TCTN3: variants seen among roughly 807,000 people sequenced by gnomAD.
The protein encoded by TCTN3 is tectonic-3.
TCTN3 carries 57 observed loss-of-function variants against 71.3 expected under a neutral mutation model. The ratio of observed to expected loss-of-function variants is 0.80; its 90% CI spans 0.65 to 1.00. TCTN3 has a LOEUF of 1.00. Among genes scored for constraint, TCTN3 ranks in the 50% least tolerant of loss-of-function variants. TCTN3 has a pLI of 0.00. For missense variants in TCTN3, 696 were observed against 719.9 expected, an observed-to-expected ratio of 0.97 and a Z score of 0.38; for synonymous variants, 258 against 267.8, an observed-to-expected ratio of 0.96 and a Z score of 0.36.
intron 3 of TCTN3, among the ~76,000 whole-genome samples, chr10:95,688,397 G>T (rs112326070): frequency 2.9e-5 from 3 of 104,572 alleles, no homozygotes; most frequent in African/African-American, 7.0e-5. Context: ...TCAAAAAAAA[G>T]AAAAAAAAAA....
intron 3 of TCTN3, among the ~76,000 whole-genome samples, chr10:95,692,561 G>C (rs2097954471): frequency 6.9e-6 from 1 of 145,396 alleles, no homozygotes; most frequent in Middle Eastern, 3.2e-3. Flanking sequence ...GGCAGAAAGA[G>C]GCGTAGAGAT....
intron 13 of TCTN3, among the ~76,000 whole-genome samples, chr10:95,676,995 T>C (rs2097937764): frequency 6.6e-6 from 1 of 152,180 alleles, no homozygotes; most frequent in Non-Finnish European, 1.5e-5. Flanking sequence ...ATGCTTACCA[T>C]ATAAACTGCA....
chr10:95,693,838 C>A lies in TCTN3; in HGVS notation c.62G>T (p.Arg21Leu), dbSNP rs1406986953. ...TGATGGGGAGGAAGAGGGCTGAGGCCGGACGCCATCGGGGAACACCAGAAA... is the reference window on the plus strand; with the variant it reads ...TGATGGGGAGGAAGAGGGCTGAGGCAGGACGCCATCGGGGAACACCAGAAA... ...VFFLVFPDGV[R>L]PQPSSSPSGA... is the part of the protein sequence containing the mutation. The change falls in exon 1 of 14, where the codon CGG becomes CTG. Residue 21 changes from arginine (R) to leucine (L), a missense_variant. Arg to Leu is a moderately radical substitution (Grantham distance 102). Transcript: ENST00000371217. The A allele has an allele frequency of 1.3e-6, 2 of 1,551,686 alleles. No homozygotes were observed. The highest frequency in any genetic ancestry group is 1.7e-6 in the Non-Finnish European group (2 of 1,146,998).
rs940477528 is a variant in TCTN3 at position 95,670,782 on chromosome 10, C to A, written c.1591-6482G>T. On this transcript the variant is annotated intron_variant, in intron 13 of 13. Transcript: ENST00000371217. ...GAATCAAGCAATCCTCCCACCTCAG[C>A]CTCCTGAGTAGCTAGGAATACAGGT... 7.9e-5 allele frequency among the ~76,000 whole-genome samples: 12 copies of A among 152,156 alleles called. No homozygotes were observed. The South Asian group carries it at 1.2e-3, about 16-fold the overall frequency.
intron 13 of TCTN3, among the ~76,000 whole-genome samples, chr10:95,674,440 A>AAT (rs2097934798): frequency 6.6e-6 from 1 of 152,106 alleles, no homozygotes; most frequent in African/African-American, 2.4e-5. Flanking sequence ...TACCGCTAAG[A>AAT]ATACCATTAT....
intron 13 of TCTN3, among the ~76,000 whole-genome samples, chr10:95,670,057 G>A (rs1289560673): frequency 2.6e-4 from 15 of 56,812 alleles, no homozygotes; most frequent in African/African-American, 3.5e-4. Flanking sequence ...GCGAGACTCC[G>A]TCTCAAAAAA....
At chr10:95,672,160 T>TTGTGTG (rs10525130) in intron 13 of TCTN3, among the ~76,000 whole-genome samples, 3 of 139,676 alleles carry the variant, frequency 2.1e-5, no homozygotes, top group African/African-American at 8.2e-5. Context: ...ATTATTATTA[T>TTGTGTG]TGTGTGTGTG....
At chr10:95,693,506 A>G in intron 1 of TCTN3, 30 bp from the exon 2 acceptor site, 2 of 1,552,010 alleles carry the variant, frequency 1.3e-6, no homozygotes, top group African/African-American at 2.7e-5. Flanking sequence ...AGTGAGTGGG[A>G]TGAAGATCCC....
intron 3 of TCTN3, among the ~76,000 whole-genome samples, chr10:95,688,410 A>G (rs865802934): frequency 2.4e-5 from 3 of 122,464 alleles, no homozygotes; most frequent in South Asian, 2.9e-4. Context: ...AAAAAAAAAA[A>G]AAAAAAAAGA....
intron 13 of TCTN3, among the ~76,000 whole-genome samples, chr10:95,671,493 T>C (rs1051450913): frequency 1.3e-5 from 2 of 152,250 alleles, no homozygotes. Context: ...ACATTACATC[T>C]GTATGATCAC....
intron 13 of TCTN3, 89 bp from the exon 14 acceptor site, chr10:95,664,389 A>G: frequency 9.1e-7 from 1 of 1,103,392 alleles, no homozygotes; most frequent in Non-Finnish European, 1.4e-6. Flanking sequence ...TTCCCTGAAG[A>G]GAGAAATGAA....
At chr10:95,667,441 A>T (rs537587752) in intron 13 of TCTN3, among the ~76,000 whole-genome samples, 19 of 152,340 alleles carry the variant, frequency 1.2e-4, no homozygotes, top group African/African-American at 4.6e-4. Flanking sequence ...CAGAGACTAG[A>T]TACAAGCAGA....
Position 95,693,799 on chromosome 10 carries a change from G to T in TCTN3, c.101C>A (p.Thr34Lys), listed in dbSNP as rs2097956188. 9.0e-6 allele frequency: 14 copies of T among 1,551,696 alleles called. No homozygotes were observed. In the East Asian group the frequency reaches 3.4e-4, roughly 38 times the overall value. The change falls in exon 1 of 14, where the codon ACG (threonine) becomes AAG (lysine). Residue 34 changes from threonine to lysine, a missense_variant. Transcript: ENST00000371217. Reference protein sequence around the residue: ...PSSSPSGAVPTSLELQRGTDG... With the variant: ...PSSSPSGAVPKSLELQRGTDG... Reference sequence around the variant, plus strand: ...CGTCCCTCGCTGCAGCTCCAAAGACGTGGGCACTGCCCCTGATGGGGAGGA... The same window carrying T: ...CGTCCCTCGCTGCAGCTCCAAAGACTTGGGCACTGCCCCTGATGGGGAGGA...
At chr10:95,680,389 A>G in intron 13 of TCTN3, 83 bp downstream of exon 13, 1 of 1,480,524 alleles carries the variant, frequency 6.8e-7, no homozygotes, top group Non-Finnish European at 9.0e-7. Flanking sequence ...CTTGGAAGGT[A>G]AAAAATTATT....
Position 95,693,704 on chromosome 10 carries a change from C to G in TCTN3, c.196G>C (p.Val66Leu). Residue 66 changes from valine (V) to leucine (L), a missense_variant, in exon 1 of 14, where the codon GTG (valine) becomes CTG (leucine). Transcript: ENST00000371217. ...GAGGGAGTCACGAGAGTAGGGACCA[C>G]TGTAGGGAGTCCAGGCACGGCCGGG... ...TRPAVPGLPT[V>L]VPTLVTPSAP... is the part of the protein sequence containing the mutation. 6.4e-7 allele frequency: 1 copy of G among 1,551,730 alleles called. No homozygotes were observed. Among genetic ancestry groups the G allele is most frequent in the Admixed American group, 2.0e-5 (1 of 51,004 alleles).
chr10:95,669,085 T>C (rs1007120048), intron 13 of TCTN3, among the ~76,000 whole-genome samples: 1 of 152,176 alleles, frequency 6.6e-6, no homozygotes, highest in African/African-American at 2.4e-5. Context: ...TGATGAAACA[T>C]TGAATACTGA....
chr10:95,678,344 C>A (rs1304798695), intron 13 of TCTN3, among the ~76,000 whole-genome samples: 2 of 151,880 alleles, frequency 1.3e-5, no homozygotes, highest in Non-Finnish European at 2.9e-5. Flanking sequence ...CTAGCCTGGC[C>A]AACATGGTGA....
In TCTN3 at chr10:95,682,646, C is replaced by A; in HGVS notation, c.1452+5G>T. ...CTTCATCAGAAAGTATATTTCTCTCCTTACTGAAATGCTGCAGTGCCTGTT... is the reference window on the plus strand; with the variant it reads ...CTTCATCAGAAAGTATATTTCTCTCATTACTGAAATGCTGCAGTGCCTGTT... On this transcript the variant is annotated splice_donor_5th_base_variant and intron_variant, in intron 12 of 13. Transcript: ENST00000371217. The A allele has an allele frequency of 6.2e-7, 1 of 1,609,432 alleles. No individual in the cohort carries two copies. Among genetic ancestry groups the A allele is most frequent in the Non-Finnish European group, 8.5e-7 (1 of 1,178,578 alleles).
At chr10:95,691,654 G>C (rs1340758162) in intron 3 of TCTN3, among the ~76,000 whole-genome samples, 1 of 152,118 alleles carries the variant, frequency 6.6e-6, no homozygotes, top group African/African-American at 2.4e-5. Context: ...GGATGCAAGA[G>C]ACATTTAAAT....
Sources: gnomAD v4.1 joint callset for allele counts (sites outside exome capture counted in the v4.1 genomes callset) on GRCh38, gnomAD v4.1.1 for gene constraint, MANE v1.5 for transcripts, NCBI Gene and HGNC (gene_info 2026-07-23, HGNC 2026-07-21) for gene names.